Variants in ANKHD1 observed in about 807,000 individuals in gnomAD.
ANKHD1 encodes the protein ankyrin repeat and KH domain containing 1.
A neutral mutation model predicts 230.5 loss-of-function variants in ANKHD1; 31 were observed. The ratio of observed to expected loss-of-function variants is 0.13; its 90% CI spans 0.10 to 0.18. The LOEUF is 0.18. ANKHD1 is among the 10% of genes least tolerant of loss of function. ANKHD1 has a pLI of 1.00. For synonymous variants in ANKHD1, 1,074 were observed against 1,117.6 expected (o/e 0.96, Z 0.78); for missense variants, 2,256 against 3,071.3 (o/e 0.73, Z 6.27).
At chr5:140,468,020 T>C (rs939094976) in intron 10 of ANKHD1, among the ~76,000 whole-genome samples, 1 of 149,044 alleles carries the variant, frequency 6.7e-6, no homozygotes, top group Non-Finnish European at 1.5e-5. Context: ...CTCATAGATA[T>C]GTTCTCAGTT....
At position 140,471,145 on chromosome 5, in the gene ANKHD1, T is replaced by C. The variant is rs1169800156; in HGVS notation, c.1782+6369T>C. The stretch of plus-strand genomic sequence containing the variant: ...TCAGTAATCAAAAAGTTTCAGATTT[T>C]GGAGCATTTCAGATTTCAGGTTTTT... On this transcript the variant is annotated intron_variant, in intron 10 of 33. Coordinates refer to ENST00000360839, the MANE Select transcript of ANKHD1 (RefSeq NM_017747.3). Among the ~76,000 whole-genome samples, 3 of 152,336 alleles carry C rather than the reference T, an allele frequency of 2.0e-5. No individual in the cohort carries two copies. The East Asian group carries it at 5.8e-4, about 29-fold the overall frequency.
intron 1 of ANKHD1, among the ~76,000 whole-genome samples, chr5:140,418,014 G>T (rs936527679): frequency 6.6e-6 from 1 of 150,506 alleles, no homozygotes; most frequent in South Asian, 2.1e-4. Context: ...TAGTTTTTTT[G>T]TATTTTTAGT....
intron 20 of ANKHD1, among the ~76,000 whole-genome samples, chr5:140,508,624 C>T (rs1265330685): frequency 6.6e-6 from 1 of 151,998 alleles, no homozygotes; most frequent in Non-Finnish European, 1.5e-5. Flanking sequence ...GACGTGGTGG[C>T]AGGCGCCTTT....
At chr5:140,524,997 TA>T in intron 25 of ANKHD1, 1 of 273,038 alleles carries the variant, frequency 3.7e-6, no homozygotes, top group Non-Finnish European at 7.2e-6. Context: ...CACATGCCTA[TA>T]ATCCCACCTA....
chr5:140,532,205 TAAAAAAAAAA>T (rs78497065), intron 29 of ANKHD1, among the ~76,000 whole-genome samples: 1 of 126,654 alleles, frequency 7.9e-6, no homozygotes, highest in Non-Finnish European at 1.7e-5. Context: ...GACTCTGTCT[TAAAAAAAAAA>T]AAAAAAAAGA....
intron 1 of ANKHD1, among the ~76,000 whole-genome samples, chr5:140,431,904 C>A (rs2126900174): frequency 6.6e-6 from 1 of 152,214 alleles, no homozygotes; most frequent in Non-Finnish European, 1.5e-5. Flanking sequence ...ATCTTATTTA[C>A]CTGATGCTAT....
At chr5:140,415,697 C>G (rs1278312784) in intron 1 of ANKHD1, among the ~76,000 whole-genome samples, 1 of 151,928 alleles carries the variant, frequency 6.6e-6, no homozygotes, top group Non-Finnish European at 1.5e-5. Flanking sequence ...CTCTGCCTCC[C>G]AAAGTGCTGG....
chr5:140,417,949 C>G (rs1404581771), intron 1 of ANKHD1, among the ~76,000 whole-genome samples: 1 of 148,610 alleles, frequency 6.7e-6, no homozygotes, highest in Non-Finnish European at 1.5e-5. Context: ...AAGCAATTCT[C>G]CTGCTTCAGC....
chr5:140,488,637 C>T (rs771336883), intron 14 of ANKHD1, among the ~76,000 whole-genome samples: 2 of 151,652 alleles, frequency 1.3e-5, no homozygotes, highest in Admixed American at 6.6e-5. Flanking sequence ...TGGTGGCTCA[C>T]GCTTGTAATC....
chr5:140,516,908 C>G (rs1753040442), intron 24 of ANKHD1, among the ~76,000 whole-genome samples: 1 of 151,858 alleles, frequency 6.6e-6, no homozygotes, highest in Admixed American at 6.6e-5. Context: ...CAGCTAACAT[C>G]ATAATGACAG....
chr5:140,527,842 C>A lies in ANKHD1; in HGVS notation c.5088-31C>A. 1 of 1,581,084 alleles carries A rather than the reference C, an allele frequency of 6.3e-7. No homozygotes were observed. Among genetic ancestry groups the A allele is most frequent in the African/African-American group, 1.4e-5 (1 of 73,806 alleles). ...TTCTTAATAAAGAGACATTTAATTTCATAAGCTCATGTGTATTCTTCATTT... is the reference window on the plus strand; with the variant it reads ...TTCTTAATAAAGAGACATTTAATTTAATAAGCTCATGTGTATTCTTCATTT... On this transcript the variant is annotated intron_variant, in intron 27 of 33. Transcript: ENST00000360839. The surrounding 1 kb of genome is among the most constrained non-coding windows in gnomAD (Gnocchi z 4.5).
At chr5:140,483,514 A>T (rs1469633068) in intron 11 of ANKHD1, among the ~76,000 whole-genome samples, 1 of 144,936 alleles carries the variant, frequency 6.9e-6, no homozygotes, top group Non-Finnish European at 1.5e-5. Context: ...CTGGAGTGCA[A>T]TGGCGCCAAC....
At chr5:140,437,325 A>G (rs1260476685) in intron 2 of ANKHD1, among the ~76,000 whole-genome samples, 1 of 152,234 alleles carries the variant, frequency 6.6e-6, no homozygotes. Flanking sequence ...ATATATCTGT[A>G]ACTTTTCTTA....
intron 22 of ANKHD1, among the ~76,000 whole-genome samples, chr5:140,512,254 A>G (rs955519667): frequency 6.6e-6 from 1 of 151,082 alleles, no homozygotes; most frequent in Non-Finnish European, 1.5e-5. Flanking sequence ...AAAAAAAAAA[A>G]GATATGCTTA....
chr5:140,421,425 T>C (rs1771975419), intron 1 of ANKHD1, among the ~76,000 whole-genome samples: 1 of 151,386 alleles, frequency 6.6e-6, no homozygotes, highest in South Asian at 2.1e-4. Context: ...CTTTGCCTCC[T>C]GAGTAGCTGG....
intron 4 of ANKHD1, 93 bp downstream of exon 4, chr5:140,440,359 G>A (rs1307696822): frequency 1.4e-6 from 2 of 1,436,160 alleles, no homozygotes; most frequent in Non-Finnish European, 1.8e-6. Flanking sequence ...ATAATTAGAG[G>A]CCAGAGTCTT....
At position 140,459,279 on chromosome 5, in the gene ANKHD1, A is replaced by G; in HGVS notation, c.1596A>G (p.Glu532=). ...DFLIKAGADI[E]LGCSTPLMEA... ...TTATTAAGGCAGGGGCTGATATAGA[A>G]CTTGGCTGCTCCACACCTCTGATGG... is the stretch of plus-strand genomic sequence containing the variant. The change falls in exon 9 of 34, where the codon GAA becomes GAG. Residue 532 remains glutamate (E), a synonymous_variant. Coordinates refer to ENST00000360839, the MANE Select transcript of ANKHD1 (RefSeq NM_017747.3). The G allele has an allele frequency of 1.2e-6, 2 of 1,602,810 alleles. No homozygotes were observed. Among genetic ancestry groups the G allele is most frequent in the Non-Finnish European group, 1.7e-6 (2 of 1,172,102 alleles).
rs150176598 is a variant in ANKHD1, at chr5:140,504,937, G to T, written c.3121G>T (p.Val1041Leu). 1 of 1,614,024 alleles carries T rather than the reference G, an allele frequency of 6.2e-7. No homozygotes were observed. Among genetic ancestry groups the T allele is most frequent in the Non-Finnish European group, 8.5e-7 (1 of 1,180,020 alleles). The change falls in exon 16 of 34, where the codon GTG (valine) becomes TTG (leucine). Residue 1041 changes from valine (V) to leucine (L), a missense_variant. Around this residue, in one of 13 missense-constraint regions of ANKHD1, gnomAD observed 358 missense variants for 397.7 expected, o/e 0.90. Transcript: ENST00000360839. ...SNVASQSMPP[V>L]YPSVDIDAHT... ...TGTGGCTTCCCAATCGATGCCTCCTGTGTATCCTTCAGTTGACATTGATGC... is the reference window on the plus strand; with the variant it reads ...TGTGGCTTCCCAATCGATGCCTCCTTTGTATCCTTCAGTTGACATTGATGC...
chr5:140,463,729 C>T (rs951109032), intron 9 of ANKHD1, among the ~76,000 whole-genome samples: 1 of 152,058 alleles, frequency 6.6e-6, no homozygotes, highest in Admixed American at 6.6e-5. Context: ...GATCTGGGCT[C>T]ACTGTAACCT....
Sources: allele counts gnomAD v4.1 joint callset (sites outside exome capture counted in the v4.1 genomes callset), GRCh38; gene constraint gnomAD v4.1.1; regional missense constraint gnomAD v4.1.1; non-coding constraint Gnocchi (gnomAD v3.1); transcripts MANE v1.5; gene names NCBI Gene and HGNC (gene_info 2026-07-23, HGNC 2026-07-21).